Variants in PCDH15 observed in about 807,000 individuals in gnomAD.
PCDH15 encodes protocadherin-15.
Under a neutral mutation model 178.5 loss-of-function variants are expected in PCDH15, and 129 were observed. That is an observed-to-expected ratio of 0.72 (90% CI 0.63 to 0.84). The LOEUF (loss-of-function observed/expected upper bound fraction) is 0.84, where lower values mean the gene tolerates loss of function less well. Ranked by LOEUF, PCDH15 falls within the 40% of genes least tolerant of loss-of-function variation. The pLI, the probability that PCDH15 is intolerant of heterozygous loss-of-function variation, is 0.00. For missense variants in PCDH15, 2,230 were observed against 2,099.9 expected (o/e 1.06, Z -1.21); for synonymous variants, 800 against 732.0 (o/e 1.09, Z -1.50).
intron 15 of PCDH15, among the ~76,000 whole-genome samples, chr10:54,099,564 C>T (rs1453150263): frequency 7.2e-6 from 1 of 139,324 alleles, no homozygotes; most frequent in Non-Finnish European, 1.6e-5. Context: ...ATAAAACAAG[C>T]ATAGTTATCA....
intron 2 of PCDH15, among the ~76,000 whole-genome samples, chr10:54,618,267 T>C (rs1257824703): frequency 6.6e-6 from 1 of 152,128 alleles, no homozygotes; most frequent in Non-Finnish European, 1.5e-5. Context: ...AACATACATA[T>C]CTTTCCTAAA....
intron 5 of PCDH15, among the ~76,000 whole-genome samples, chr10:54,363,164 A>G (rs565027924): frequency 6.6e-6 from 1 of 152,278 alleles, no homozygotes; most frequent in East Asian, 1.9e-4. Flanking sequence ...TGAAAAACAA[A>G]GTGCCAGCTT....
chr10:55,302,737 C>A (rs1483629061), intron 1 of PCDH15, among the ~76,000 whole-genome samples: 1 of 152,130 alleles, frequency 6.6e-6, no homozygotes, highest in African/African-American at 2.4e-5. Context: ...CATGTCCTAA[C>A]CTTTATGTAT....
At chr10:55,109,953 G>A (rs1024949270) in intron 2 of PCDH15, among the ~76,000 whole-genome samples, 1 of 151,480 alleles carries the variant, frequency 6.6e-6, no homozygotes, top group African/African-American at 2.4e-5. Flanking sequence ...CTTATTAAGA[G>A]ATAAACAGTA....
At chr10:55,451,369 G>T (rs1041113841) in intron 2 of PCDH15, among the ~76,000 whole-genome samples, 1 of 151,972 alleles carries the variant, frequency 6.6e-6, no homozygotes, top group African/African-American at 2.4e-5. Context: ...GTGGTGGCAT[G>T]AGCCTGTAGT....
At chr10:53,819,504 T>C (rs2076179753) in intron 33 of PCDH15, among the ~76,000 whole-genome samples, 1 of 152,042 alleles carries the variant, frequency 6.6e-6, no homozygotes, top group Non-Finnish European at 1.5e-5. Context: ...AGCCAGTTCA[T>C]ATAATATCGA....
At chr10:55,554,051 G>C (rs1842045405) in intron 2 of PCDH15, among the ~76,000 whole-genome samples, 1 of 151,938 alleles carries the variant, frequency 6.6e-6, no homozygotes, top group South Asian at 2.1e-4. Flanking sequence ...AAATGTTTAT[G>C]TCCATAACAA....
At chr10:55,422,171 C>T (rs1385407489) in intron 2 of PCDH15, among the ~76,000 whole-genome samples, 1 of 151,248 alleles carries the variant, frequency 6.6e-6, no homozygotes, top group Non-Finnish European at 1.5e-5. Flanking sequence ...ACTGTTTCTA[C>T]AGATTTGCCT....
chr10:55,356,398 C>G (rs1161165479), intron 2 of PCDH15, among the ~76,000 whole-genome samples: 1 of 151,788 alleles, frequency 6.6e-6, no homozygotes, highest in East Asian at 1.9e-4. Context: ...TTGCCTCAAA[C>G]AGTGGTTATG....
chr10:54,076,974 T>A (rs1392812021), intron 17 of PCDH15, among the ~76,000 whole-genome samples: 1 of 152,166 alleles, frequency 6.6e-6, no homozygotes, highest in Non-Finnish European at 1.5e-5. Context: ...TTACTGTAAT[T>A]ACTAAATATT....
rs1011578555 is a variant in PCDH15, at chr10:54,251,133, T to C, written c.877-14202A>G. Among the ~76,000 whole-genome samples, 3 of 152,336 alleles carry C rather than the reference T, an allele frequency of 2.0e-5. No homozygotes were observed. In the East Asian group the frequency reaches 5.8e-4, roughly 29 times the overall value. On this transcript the variant is annotated intron_variant, in intron 8 of 37. Coordinates refer to ENST00000644397, the MANE Select transcript of PCDH15 (RefSeq NM_001384140.1). ...AAAAATTTGATTGAATTTTAGGTTC[T>C]CTATTTACAAACTTTTTCTTTCAAT...
chr10:55,004,822 G>A (rs1839884732), intron 2 of PCDH15, among the ~76,000 whole-genome samples: 2 of 152,062 alleles, frequency 1.3e-5, no homozygotes, highest in South Asian at 4.1e-4. Context: ...GATAACATCA[G>A]TTATAATTTC....
intron 24 of PCDH15, 72 bp from the exon 25 acceptor site, chr10:53,939,027 C>T: frequency 1.1e-5 from 16 of 1,494,336 alleles, no homozygotes; most frequent in Non-Finnish European, 1.5e-5. Flanking sequence ...TTAAAAGGCA[C>T]TGTGATTTCA....
intron 1 of PCDH15, among the ~76,000 whole-genome samples, chr10:54,684,015 T>C (rs180684225): frequency 3.4e-4 from 51 of 152,176 alleles, no homozygotes; most frequent in African/African-American, 1.2e-3. Context: ...CATTTATATC[T>C]GAAAGGGAAT....
chr10:55,059,806 A>T (rs564758416), intron 2 of PCDH15, among the ~76,000 whole-genome samples: 18 of 152,152 alleles, frequency 1.2e-4, no homozygotes, highest in Non-Finnish European at 2.2e-4. Context: ...TGGACATACA[A>T]TAAGCACCTA....
chr10:54,929,393 T>G (rs1837711579), intron 2 of PCDH15, among the ~76,000 whole-genome samples: 1 of 152,166 alleles, frequency 6.6e-6, no homozygotes, highest in African/African-American at 2.4e-5. Context: ...GGGTGCACGA[T>G]CATCAGCTGT....
intron 3 of PCDH15, among the ~76,000 whole-genome samples, chr10:54,862,522 C>T (rs760558293): frequency 8.5e-5 from 13 of 152,074 alleles, no homozygotes; most frequent in Non-Finnish European, 1.9e-4. Flanking sequence ...CCTCCCAAAA[C>T]TCAGGTTAAA....
intron 14 of PCDH15, among the ~76,000 whole-genome samples, chr10:54,144,159 C>T (rs1472087465): frequency 1.3e-5 from 2 of 151,850 alleles, no homozygotes; most frequent in African/African-American, 4.8e-5. Flanking sequence ...TCTGGGTGGC[C>T]GTGAAATCAC....
chr10:54,402,435 G>A (rs1288826962), intron 3 of PCDH15, among the ~76,000 whole-genome samples: 1 of 151,926 alleles, frequency 6.6e-6, no homozygotes, highest in Non-Finnish European at 1.5e-5. Flanking sequence ...GATCGTTTAT[G>A]TATAAAATAT....
Sources: gnomAD v4.1 joint callset for allele counts (sites outside exome capture counted in the v4.1 genomes callset) on GRCh38, gnomAD v4.1.1 for gene constraint, MANE v1.5 for transcripts, NCBI Gene and HGNC (gene_info 2026-07-23, HGNC 2026-07-21) for gene names.